The following FAM174B variants were observed in gnomAD, a reference collection of about 807,000 sequenced individuals.
FAM174B encodes membrane protein FAM174B.
In FAM174B, 12 loss-of-function variants were observed where a neutral mutation model predicts 10.9. That is an observed-to-expected ratio of 1.10 (90% CI 0.71 to 1.79). The LOEUF is 1.79. Ranked by LOEUF, FAM174B falls within the 40% of genes most tolerant of loss-of-function variation. FAM174B has a pLI of 0.00. For synonymous variants in FAM174B, 132 were observed against 115.8 expected (o/e 1.14, Z -0.90); for missense variants, 266 against 233.3 (o/e 1.14, Z -0.91).
At chr15:92,653,962 G>A (rs939629964) in intron 1 of FAM174B, among the ~76,000 whole-genome samples, 8 of 152,330 alleles carry the variant, frequency 5.3e-5, no homozygotes, top group Middle Eastern at 6.8e-3. Flanking sequence ...GAGGATTGAG[G>A]CCAGTGGGTA....
rs1252926214 is a variant in FAM174B, at chr15:92,619,311, G to A, written c.*145C>T. 11 of 858,470 alleles carry A rather than the reference G, an allele frequency of 1.3e-5. No homozygotes were observed. Among genetic ancestry groups the A allele is most frequent in the Middle Eastern group, 4.3e-4 (2 of 4,656 alleles). The allele number at this position is 858,470 out of a possible 1,614,324, so 53.2% of individuals were successfully genotyped here. A position where few individuals can be genotyped will look rare whatever the true frequency, so the allele number is the denominator to read the frequency against. ...GACAGTCTGAGCAGATGCCTGACAC[G>A]CACGATGGAGCTGGGGTTTTATACA... On this transcript the variant is annotated 3_prime_UTR_variant, in exon 3 of 3. Coordinates refer to ENST00000327355, the MANE Select transcript of FAM174B (RefSeq NM_207446.3).
intron 1 of FAM174B, among the ~76,000 whole-genome samples, chr15:92,630,826 T>C (rs1372326544): frequency 3.8e-5 from 1 of 26,094 alleles, no homozygotes; most frequent in Admixed American, 3.9e-4. Context: ...ATATTACATA[T>C]TATATATTAT....
intron 1 of FAM174B, among the ~76,000 whole-genome samples, chr15:92,631,224 TATATA>T (rs1363011168): frequency 0.25 from 1,750 of 6,974 alleles, 771 homozygotes; most frequent in East Asian, 0.73. Context: ...TATTATATTA[TATATA>T]ATATATTATA....
intron 1 of FAM174B, among the ~76,000 whole-genome samples, chr15:92,653,398 C>G (rs1160303395): frequency 6.6e-6 from 1 of 152,212 alleles, no homozygotes; most frequent in Non-Finnish European, 1.5e-5. Flanking sequence ...AAAAAATACA[C>G]AGCCTTGTGG....
chr15:92,653,438 T>C (rs749161887), intron 1 of FAM174B, among the ~76,000 whole-genome samples: 20 of 152,240 alleles, frequency 1.3e-4, no homozygotes, highest in Non-Finnish European at 2.8e-4. Context: ...GCTAAATGTT[T>C]CAAACCTCCA....
At chr15:92,620,814 CAAAA>C (rs34607670) in intron 2 of FAM174B, among the ~76,000 whole-genome samples, 1 of 71,388 alleles carries the variant, frequency 1.4e-5, no homozygotes, top group African/African-American at 5.9e-5. Context: ...GACTCTGTCT[CAAAA>C]AAAAAAAAAA....
In FAM174B at chr15:92,617,893, C is replaced by G. The variant is rs367778556; in HGVS notation, c.*1563G>C. 1 of 429,768 alleles carries G rather than the reference C, an allele frequency of 2.3e-6. No homozygotes were observed. The highest frequency in any genetic ancestry group is 4.1e-6 in the Non-Finnish European group (1 of 244,892). The allele number at this position is 429,768 out of a possible 1,614,324, so 26.6% of individuals were successfully genotyped here. ...GCCCCCCGTGGCTGGCAATACCATG[C>G]GTGCTGGGCCGGCTGCGCCACCCTC... On this transcript the variant is annotated 3_prime_UTR_variant, in exon 3 of 3. Transcript: ENST00000327355.
chr15:92,641,666 G>A (rs2050892900), intron 1 of FAM174B, among the ~76,000 whole-genome samples: 1 of 151,854 alleles, frequency 6.6e-6, no homozygotes, highest in African/African-American at 2.4e-5. Flanking sequence ...ACCTCAAAAT[G>A]GAACTTACAT....
At chr15:92,630,937 A>G (rs182698830) in intron 1 of FAM174B, among the ~76,000 whole-genome samples, 60 of 16,782 alleles carry the variant, frequency 3.6e-3, no homozygotes, top group South Asian at 9.3e-3. Context: ...TACATATTAC[A>G]TATTATATAT....
Position 92,654,495 on chromosome 15 carries a change from A to C in FAM174B, c.344+821T>G, listed in dbSNP as rs1282731902. ...CTGTCCACCAGGATGGACAGGGATC[A>C]AGGACCTGGGACATCCTTCCTAATT... On this transcript the variant is annotated intron_variant, in intron 1 of 2. Coordinates refer to ENST00000327355, the MANE Select transcript of FAM174B (RefSeq NM_207446.3). 2.0e-5 allele frequency among the ~76,000 whole-genome samples: 3 copies of C among 152,210 alleles called. No homozygotes were observed. The East Asian group carries it at 5.8e-4, about 29-fold the overall frequency.
chr15:92,621,423 G>A (rs1042701753), intron 2 of FAM174B, among the ~76,000 whole-genome samples: 1 of 152,052 alleles, frequency 6.6e-6, no homozygotes, highest in South Asian at 2.1e-4. Flanking sequence ...ACCAGCCTGG[G>A]CAACATACTG....
intron 2 of FAM174B, among the ~76,000 whole-genome samples, chr15:92,624,728 G>A (rs905479653): frequency 2.0e-5 from 3 of 152,222 alleles, no homozygotes; most frequent in Non-Finnish European, 2.9e-5. Flanking sequence ...ACACCCCCAC[G>A]GGGCCACATC....
chr15:92,630,023 C>A, intron 2 of FAM174B, 191 bp downstream of exon 2: 1 of 466,656 alleles, frequency 2.1e-6, no homozygotes. Context: ...TTTCCTAGTC[C>A]CAGGTATGTC....
chr15:92,646,467 GC>G (rs368975051), intron 1 of FAM174B, among the ~76,000 whole-genome samples: 213 of 152,166 alleles, frequency 1.4e-3, no homozygotes, highest in Non-Finnish European at 2.3e-3. Flanking sequence ...GAAATTCTAA[GC>G]CCCCCAACCA....
At chr15:92,641,647 AC>A (rs1266164203) in intron 1 of FAM174B, among the ~76,000 whole-genome samples, 10 of 152,196 alleles carry the variant, frequency 6.6e-5, no homozygotes, top group Non-Finnish European at 1.5e-4. Flanking sequence ...CACACAATAT[AC>A]AAAAATTACC....
In FAM174B at chr15:92,625,393, A is replaced by G. The variant is rs544234239; in HGVS notation, c.476+4821T>C. Among the ~76,000 whole-genome samples, 10 of 152,322 alleles carry G rather than the reference A, an allele frequency of 6.6e-5. No homozygotes were observed. The South Asian group carries it at 1.7e-3, about 25-fold the overall frequency. ...TTTCCTCTTTCCACCCAATCACAAA[A>G]TAACCCAAAGCCATGATTCATCTGA... On this transcript the variant is annotated intron_variant, in intron 2 of 2. Coordinates refer to ENST00000327355, the MANE Select transcript of FAM174B (RefSeq NM_207446.3).
intron 1 of FAM174B, 52 bp from the exon 2 acceptor site, chr15:92,630,397 A>T: frequency 6.5e-7 from 1 of 1,547,852 alleles, no homozygotes. Flanking sequence ...AGAAAGAGTC[A>T]CTGGGCCCCA....
At chr15:92,641,891 G>A (rs2050894380) in intron 1 of FAM174B, among the ~76,000 whole-genome samples, 1 of 152,174 alleles carries the variant, frequency 6.6e-6, no homozygotes, top group Admixed American at 6.5e-5. Context: ...CATAGAATGG[G>A]AGGAATCACT....
chr15:92,621,357 A>G (rs941169891), intron 2 of FAM174B, among the ~76,000 whole-genome samples: 9 of 152,338 alleles, frequency 5.9e-5, no homozygotes, highest in African/African-American at 2.2e-4. Context: ...CGCGCCCGTA[A>G]TCCCAGAACT....
Sources: allele counts gnomAD v4.1 joint callset (sites outside exome capture counted in the v4.1 genomes callset), GRCh38; gene constraint gnomAD v4.1.1; transcripts MANE v1.5; gene names NCBI Gene and HGNC (gene_info 2026-07-23, HGNC 2026-07-21).